Variants in PCDH15 observed in about 807,000 individuals in gnomAD.
PCDH15 encodes protocadherin related 15.
A neutral mutation model predicts 178.5 loss-of-function variants in PCDH15; 129 were observed. The ratio of observed to expected loss-of-function variants is 0.72; its 90% confidence interval spans 0.63 to 0.84. PCDH15 has a LOEUF of 0.84. Among genes scored for constraint, PCDH15 ranks in the 40% least tolerant of loss-of-function variants. The probability of loss-of-function intolerance (pLI) is 0.00; values close to 1 mark genes in which losing one functional copy is unlikely to be tolerated. For missense variants in PCDH15, 2,230 were observed against 2,099.9 expected (o/e 1.06, Z -1.21); for synonymous variants, 800 against 732.0 (o/e 1.09, Z -1.50).
intron 3 of PCDH15, among the ~76,000 whole-genome samples, chr10:54,862,994 T>C (rs1953872033): frequency 6.6e-6 from 1 of 152,210 alleles, no homozygotes; most frequent in Non-Finnish European, 1.5e-5. Flanking sequence ...ACTATAAACA[T>C]ATTGTAGTAG....
intron 1 of PCDH15, among the ~76,000 whole-genome samples, chr10:55,256,646 T>C (rs1309951583): frequency 1.3e-5 from 2 of 152,032 alleles, no homozygotes; most frequent in Non-Finnish European, 2.9e-5. Flanking sequence ...CAGTCTGAGA[T>C]CAAACTGCAA....
At chr10:54,508,452 C>A (rs1414258798) in intron 3 of PCDH15, among the ~76,000 whole-genome samples, 1 of 152,012 alleles carries the variant, frequency 6.6e-6, no homozygotes, top group Non-Finnish European at 1.5e-5. Context: ...AGTTAAAATA[C>A]CCTAAGCCTA....
At chr10:54,704,677 A>G (rs1205954124) in intron 1 of PCDH15, among the ~76,000 whole-genome samples, 1 of 152,152 alleles carries the variant, frequency 6.6e-6, no homozygotes, top group African/African-American at 2.4e-5. Context: ...TCAAAATAAC[A>G]GATGCCTGCA....
intron 1 of PCDH15, among the ~76,000 whole-genome samples, chr10:54,725,574 A>T (rs1452747671): frequency 6.9e-6 from 1 of 144,826 alleles, no homozygotes; most frequent in African/African-American, 2.5e-5. Context: ...ATAATTGGAA[A>T]CTCATTTCTC....
At chr10:55,544,135 CATACATATATATATATATATATATAT>C (rs1841824286) in intron 2 of PCDH15, among the ~76,000 whole-genome samples, 3 of 96,228 alleles carry the variant, frequency 3.1e-5, no homozygotes, top group Admixed American at 1.2e-4. Flanking sequence ...AAATCTTATA[CATACATATATATATATATATATATAT>C]ATATATATAT....
intron 2 of PCDH15, among the ~76,000 whole-genome samples, chr10:55,373,299 G>A (rs1845549887): frequency 6.6e-6 from 1 of 152,124 alleles, no homozygotes; most frequent in Non-Finnish European, 1.5e-5. Flanking sequence ...AAAATCCATG[G>A]TATCTTTGGG....
At chr10:54,525,881 G>A (rs1346796387) in intron 3 of PCDH15, among the ~76,000 whole-genome samples, 1 of 152,106 alleles carries the variant, frequency 6.6e-6, no homozygotes, top group African/African-American at 2.4e-5. Context: ...ATAATATCTG[G>A]CAGAGGTTCA....
At chr10:55,095,874 G>A (rs559918260) in intron 2 of PCDH15, among the ~76,000 whole-genome samples, 99 of 151,970 alleles carry the variant, frequency 6.5e-4, no homozygotes, top group African/African-American at 2.3e-3. Context: ...TTTTATACTC[G>A]CAAAAGTAGT....
intron 1 of PCDH15, among the ~76,000 whole-genome samples, chr10:54,787,636 C>G (rs939436532): frequency 6.6e-6 from 1 of 151,914 alleles, no homozygotes; most frequent in East Asian, 1.9e-4. Context: ...TTTTCACCTT[C>G]CCTTCATGGG....
chr10:54,247,779 G>A (rs960714578), intron 8 of PCDH15, among the ~76,000 whole-genome samples: 2 of 150,962 alleles, frequency 1.3e-5, no homozygotes, highest in Non-Finnish European at 3.0e-5. Flanking sequence ...CTTAGAGCTT[G>A]AATTATGATT....
intron 2 of PCDH15, among the ~76,000 whole-genome samples, chr10:55,442,470 T>TATTATATATATATAATATATATATA (rs5785132): frequency 8.0e-6 from 1 of 124,698 alleles, no homozygotes. Flanking sequence ...TATATATATA[T>TATTATATATATATAATATATATATA]TATATATATA....
chr10:53,964,380 A>ATTTATAAATTTATTCATAAAATT (rs2088721053), intron 21 of PCDH15, among the ~76,000 whole-genome samples: 1 of 117,934 alleles, frequency 8.5e-6, no homozygotes, highest in African/African-American at 3.3e-5. Flanking sequence ...AAAAAAATTT[A>ATTTATAAATTTATTCATAAAATT]TTTATAAATT....
intron 1 of PCDH15, among the ~76,000 whole-genome samples, chr10:55,226,192 A>G (rs1220543505): frequency 6.6e-6 from 1 of 152,106 alleles, no homozygotes; most frequent in East Asian, 1.9e-4. Context: ...GCCAATAAAT[A>G]GTTGACATTT....
At chr10:54,528,243 A>G in intron 2 of PCDH15, 1 of 787,768 alleles carries the variant, frequency 1.3e-6, no homozygotes, top group Admixed American at 2.5e-5. Flanking sequence ...CACAACAGAA[A>G]CAAACATAAT....
intron 2 of PCDH15, among the ~76,000 whole-genome samples, chr10:55,023,269 A>T (rs150145509): frequency 6.6e-6 from 1 of 152,284 alleles, no homozygotes; most frequent in African/African-American, 2.4e-5. Context: ...GTTGATTTCC[A>T]TAATGGTTAA....
intron 3 of PCDH15, among the ~76,000 whole-genome samples, chr10:54,865,614 A>G (rs1306884989): frequency 2.0e-5 from 3 of 152,156 alleles, no homozygotes; most frequent in African/African-American, 4.8e-5. Flanking sequence ...CACTTCCTCA[A>G]CAGGTGGGGA....
chr10:55,156,815 G>A (rs185932436), intron 2 of PCDH15, among the ~76,000 whole-genome samples: 1 of 152,064 alleles, frequency 6.6e-6, no homozygotes, highest in Non-Finnish European at 1.5e-5. Flanking sequence ...TACAATGGTG[G>A]GCTAAACAGA....
chr10:54,163,021 A>G (rs2045871569), intron 13 of PCDH15, among the ~76,000 whole-genome samples: 1 of 152,106 alleles, frequency 6.6e-6, no homozygotes, highest in African/African-American at 2.4e-5. Context: ...GGTGAACAGT[A>G]AAGTTATATG....
At position 55,434,072 on chromosome 10, in the gene PCDH15, CTTTTCTTTTT is replaced by C. The variant is rs1342524031; in HGVS notation, c.-156+193543_-156+193552del. ...AAACAAATTCTCCGCTTTTTCTTTT[CTTTTCTTTTT>C]TTTTTTTTTTTTTTTTGAGATGGTG... On this transcript the variant is annotated intron_variant, in intron 2 of 5. Coordinates refer to the PCDH15 transcript ENST00000613346. Among the ~76,000 whole-genome samples the C allele has an allele frequency of 5.9e-3, 499 of 83,904 alleles. 2 individuals carry two copies. Among genetic ancestry groups the C allele is most frequent in the African/African-American group, 0.026 (474 of 18,416 alleles). 55.0% of individuals were successfully genotyped at this position (83,904 alleles called of 152,430 possible).
Sources: allele counts gnomAD v4.1 joint callset (sites outside exome capture counted in the v4.1 genomes callset), GRCh38; gene constraint gnomAD v4.1.1; transcripts MANE v1.5; gene names NCBI Gene and HGNC (gene_info 2026-07-23, HGNC 2026-07-21).